The following EFNA5 variants were observed in gnomAD, a reference collection of about 807,000 sequenced individuals.
EFNA5 encodes the protein ephrin-A5.
A neutral mutation model predicts 22.9 loss-of-function variants in EFNA5; 5 were observed. The ratio of observed to expected loss-of-function variants is 0.22; its 90% CI spans 0.11 to 0.46. The LOEUF (loss-of-function observed/expected upper bound fraction) is 0.46. Among genes scored for constraint, EFNA5 ranks in the 20% least tolerant of loss-of-function variants. The probability of loss-of-function intolerance (pLI) is 0.99; values close to 1 mark genes in which losing one functional copy is unlikely to be tolerated. For synonymous variants in EFNA5, 113 were observed against 112.2 expected, an observed-to-expected ratio of 1.01 and a Z score of -0.04; for missense variants, 237 against 293.3, an observed-to-expected ratio of 0.81 and a Z score of 1.40.
chr5:107,511,198 G>A (rs1370494493), intron 1 of EFNA5, among the ~76,000 whole-genome samples: 1 of 152,054 alleles, frequency 6.6e-6, no homozygotes, highest in Non-Finnish European at 1.5e-5. Flanking sequence ...GGCTAATTTT[G>A]TATTTTTAGT....
intron 1 of EFNA5, among the ~76,000 whole-genome samples, chr5:107,482,459 G>A (rs949123658): frequency 6.6e-6 from 1 of 152,088 alleles, no homozygotes; most frequent in East Asian, 1.9e-4. Context: ...AGAATGAGAA[G>A]TCTGTCAGAC....
chr5:107,653,743 A>T (rs538201865), intron 1 of EFNA5, among the ~76,000 whole-genome samples: 1 of 152,342 alleles, frequency 6.6e-6, no homozygotes, highest in East Asian at 1.9e-4. Context: ...ATTTATAACA[A>T]GAAAAACCAA....
intron 1 of EFNA5, among the ~76,000 whole-genome samples, chr5:107,591,727 A>G (rs1749328437): frequency 6.9e-6 from 1 of 145,094 alleles, no homozygotes; most frequent in African/African-American, 2.6e-5. Context: ...AGGCTGAGGC[A>G]GGAGAATTGC....
intron 1 of EFNA5, among the ~76,000 whole-genome samples, chr5:107,569,173 T>C (rs188783403): frequency 6.6e-5 from 10 of 152,016 alleles, no homozygotes; most frequent in Non-Finnish European, 1.2e-4. Context: ...GCTTTCTGTA[T>C]TGGGGGTGAA....
intron 1 of EFNA5, among the ~76,000 whole-genome samples, chr5:107,601,193 G>A (rs1011290886): frequency 2.6e-5 from 4 of 152,178 alleles, no homozygotes; most frequent in African/African-American, 7.2e-5. Flanking sequence ...AGGACCATTC[G>A]TACTATGTTC....
At chr5:107,496,484 G>A (rs1746989701) in intron 1 of EFNA5, among the ~76,000 whole-genome samples, 1 of 152,130 alleles carries the variant, frequency 6.6e-6, no homozygotes, top group Non-Finnish European at 1.5e-5. Flanking sequence ...TTCCATAGAG[G>A]ATGAGCATTT....
At chr5:107,582,443 ACAATATGGACC>A (rs1033370982) in intron 1 of EFNA5, among the ~76,000 whole-genome samples, 2 of 152,198 alleles carry the variant, frequency 1.3e-5, no homozygotes, top group African/African-American at 4.8e-5. Context: ...TTTAGAGAAC[ACAATATGGACC>A]TCCTGAAGAT....
At chr5:107,497,970 C>T in intron 1 of EFNA5, among the ~76,000 whole-genome samples, 1 of 152,224 alleles carries the variant, frequency 6.6e-6, no homozygotes, top group Non-Finnish European at 1.5e-5. Flanking sequence ...GGCTGGAGTG[C>T]AGTGGCGCGA....
intron 1 of EFNA5, among the ~76,000 whole-genome samples, chr5:107,668,990 C>A (rs1241068900): frequency 6.6e-6 from 1 of 152,122 alleles, no homozygotes; most frequent in East Asian, 1.9e-4. Flanking sequence ...TCCTGTTCAG[C>A]GGTTCATTTA....
intron 1 of EFNA5, among the ~76,000 whole-genome samples, chr5:107,588,271 C>T (rs1245450281): frequency 6.6e-6 from 1 of 152,066 alleles, no homozygotes; most frequent in Non-Finnish European, 1.5e-5. Flanking sequence ...ACCAGGTCCA[C>T]TGGCCTATTG....
chr5:107,664,828 T>G (rs554059281), intron 1 of EFNA5, among the ~76,000 whole-genome samples: 1 of 152,290 alleles, frequency 6.6e-6, no homozygotes, highest in African/African-American at 2.4e-5. Context: ...TAACAGTTTG[T>G]ATACTGCTTC....
chr5:107,541,729 C>T (rs551718995), intron 1 of EFNA5, among the ~76,000 whole-genome samples: 2 of 152,118 alleles, frequency 1.3e-5, no homozygotes, highest in Admixed American at 1.3e-4. Flanking sequence ...CAAAGCTTAA[C>T]TTATAGATTT....
At chr5:107,429,762 A>G (rs1748899340) in intron 1 of EFNA5, among the ~76,000 whole-genome samples, 1 of 152,080 alleles carries the variant, frequency 6.6e-6, no homozygotes, top group African/African-American at 2.4e-5. Flanking sequence ...CACTGTTACC[A>G]TCATCAGGAT....
chr5:107,382,526 C>T (rs531887836), intron 4 of EFNA5, among the ~76,000 whole-genome samples: 104 of 152,234 alleles, frequency 6.8e-4, no homozygotes, highest in African/African-American at 2.5e-3. Context: ...GTGTGAACCA[C>T]GATGCCTGGC....
chr5:107,434,558 A>G (rs1749057701), intron 1 of EFNA5, among the ~76,000 whole-genome samples: 2 of 152,242 alleles, frequency 1.3e-5, no homozygotes, highest in South Asian at 4.1e-4. Flanking sequence ...GTGCATATTT[A>G]AAATGTTCTA....
chr5:107,498,592 G>C (rs934254900), intron 1 of EFNA5, among the ~76,000 whole-genome samples: 2 of 152,150 alleles, frequency 1.3e-5, no homozygotes, highest in African/African-American at 4.8e-5. Flanking sequence ...CATCGCCTCG[G>C]CTCATGAAGA....
At chr5:107,475,978 A>C (rs1256031793) in intron 1 of EFNA5, among the ~76,000 whole-genome samples, 1 of 145,508 alleles carries the variant, frequency 6.9e-6, no homozygotes, top group Non-Finnish European at 1.5e-5. Flanking sequence ...ACCTGTTTGA[A>C]ATGGTACAGT....
intron 1 of EFNA5, among the ~76,000 whole-genome samples, chr5:107,490,084 TG>T (rs2112412146): frequency 6.6e-6 from 1 of 152,286 alleles, no homozygotes; most frequent in South Asian, 2.1e-4. Context: ...GCTTGAACCA[TG>T]GGGGACCAGC....
At chr5:107,615,025 A>T (rs1009943638) in intron 1 of EFNA5, among the ~76,000 whole-genome samples, 1 of 152,136 alleles carries the variant, frequency 6.6e-6, no homozygotes, top group Non-Finnish European at 1.5e-5. Context: ...GAAAATACCT[A>T]TGTTAACTGC....
Sources: allele counts gnomAD v4.1 joint callset (sites outside exome capture counted in the v4.1 genomes callset), GRCh38; gene constraint gnomAD v4.1.1; transcripts MANE v1.5; gene names NCBI Gene and HGNC (gene_info 2026-07-23, HGNC 2026-07-21).